The following PLCXD3 variants were observed in gnomAD, a reference collection of about 807,000 sequenced individuals.
The protein encoded by PLCXD3 is phosphatidylinositol specific phospholipase C X domain containing 3, also known as PI-PLC X domain-containing protein 3.
PLCXD3 carries 19 observed loss-of-function variants against 25.5 expected under a neutral mutation model. That is an observed-to-expected ratio of 0.75 (90% confidence interval 0.52 to 1.09). The LOEUF is 1.09. Ranked by LOEUF, PLCXD3 falls within the 50% of genes least tolerant of loss-of-function variation. PLCXD3 has a pLI of 0.00. For synonymous variants in PLCXD3, 174 were observed against 137.6 expected, an observed-to-expected ratio of 1.26 and a Z score of -1.85; for missense variants, 411 against 388.1, an observed-to-expected ratio of 1.06 and a Z score of -0.50.
At chr5:41,470,792 A>G (rs940578605) in intron 1 of PLCXD3, among the ~76,000 whole-genome samples, 2 of 152,202 alleles carry the variant, frequency 1.3e-5, no homozygotes, top group African/African-American at 4.8e-5. Context: ...GAAAAAGAAA[A>G]AAATACCTTC....
At chr5:41,500,408 A>G (rs13190177) in intron 1 of PLCXD3, among the ~76,000 whole-genome samples, 2 of 151,906 alleles carry the variant, frequency 1.3e-5, no homozygotes, top group Admixed American at 6.6e-5. Context: ...GGAATAATAG[A>G]CAATGGATAC....
chr5:41,382,377 C>A lies in PLCXD3; in HGVS notation c.261G>T (p.Gln87His). 11 of 1,613,476 alleles carry A rather than the reference C, an allele frequency of 6.8e-6. No individual in the cohort carries two copies. Among genetic ancestry groups the A allele is most frequent in the Non-Finnish European group, 9.3e-6 (11 of 1,179,696 alleles). ...LATQTMNFTG[Q>H]LGAGIRYFDL... ...CAAAATAACGAATTCCAGCTCCTAG[C>A]TGGCCAGTAAAATTCATTGTCTGAG... The change falls in exon 2 of 3, where the codon CAG (glutamine) becomes CAT (histidine). Residue 87 changes from glutamine to histidine, a missense_variant. Coordinates refer to ENST00000377801, the MANE Select transcript of PLCXD3 (RefSeq NM_001005473.3).
At chr5:41,474,998 G>T (rs996802157) in intron 1 of PLCXD3, among the ~76,000 whole-genome samples, 13 of 152,170 alleles carry the variant, frequency 8.5e-5, no homozygotes, top group African/African-American at 3.1e-4. Flanking sequence ...TAGCATTTCT[G>T]CAGCCACAGA....
intron 1 of PLCXD3, among the ~76,000 whole-genome samples, chr5:41,399,425 C>T (rs1396192641): frequency 1.3e-5 from 2 of 152,034 alleles, no homozygotes; most frequent in South Asian, 2.1e-4. Context: ...GAAGGAATCA[C>T]AATACCTGAC....
intron 1 of PLCXD3, among the ~76,000 whole-genome samples, chr5:41,448,157 G>A (rs889663685): frequency 2.0e-5 from 3 of 152,208 alleles, no homozygotes; most frequent in Non-Finnish European, 4.4e-5. Flanking sequence ...AGAAGGTGTT[G>A]TGAAATCAAT....
At chr5:41,348,134 G>T (rs1008992951) in intron 2 of PLCXD3, among the ~76,000 whole-genome samples, 3 of 152,168 alleles carry the variant, frequency 2.0e-5, no homozygotes, top group Admixed American at 6.5e-5. Flanking sequence ...CTTTGAGGTA[G>T]GTTAATAGTA....
intron 1 of PLCXD3, among the ~76,000 whole-genome samples, chr5:41,410,354 G>A (rs1363487407): frequency 6.6e-6 from 1 of 151,482 alleles, no homozygotes; most frequent in Non-Finnish European, 1.5e-5. Flanking sequence ...CATGTTGGCC[G>A]GTATGGTCTT....
At chr5:41,393,272 T>G (rs763602375) in intron 1 of PLCXD3, among the ~76,000 whole-genome samples, 1 of 152,160 alleles carries the variant, frequency 6.6e-6, no homozygotes, top group Non-Finnish European at 1.5e-5. Context: ...CATTTAGTCA[T>G]CAGTTTCCAA....
chr5:41,410,139 ATC>A (rs1746473877), intron 1 of PLCXD3, among the ~76,000 whole-genome samples: 1 of 97,088 alleles, frequency 1.0e-5, no homozygotes, highest in Non-Finnish European at 2.0e-5. Context: ...CCTTTTATTT[ATC>A]TTTTTTTTTT....
At chr5:41,393,936 A>C (rs1443248051) in intron 1 of PLCXD3, among the ~76,000 whole-genome samples, 1 of 151,802 alleles carries the variant, frequency 6.6e-6, no homozygotes, top group African/African-American at 2.4e-5. Flanking sequence ...TCAAAAAAAG[A>C]AAAAAAACAA....
In PLCXD3 at chr5:41,313,737, C is replaced by T. The variant is rs769179742; in HGVS notation, c.846G>A (p.Thr282=). 27 of 1,609,628 alleles carry T rather than the reference C, an allele frequency of 1.7e-5. No homozygotes were observed. Among genetic ancestry groups the T allele is most frequent in the African/African-American group, 4.0e-5 (3 of 74,558 alleles). ...ALPAMMQWVR[T]QKPGESGINI... Reference sequence around the variant, plus strand: ...TGATGCCACTCTCTCCTGGCTTCTGCGTGCGGACCCACTGCATCATGGCAG... The same window carrying T: ...TGATGCCACTCTCTCCTGGCTTCTGTGTGCGGACCCACTGCATCATGGCAG... Residue 282 remains threonine, a synonymous_variant, in exon 3 of 3, where the codon ACG becomes ACA. Coordinates refer to ENST00000377801, the MANE Select transcript of PLCXD3 (RefSeq NM_001005473.3).
chr5:41,414,095 A>G (rs1471853576), intron 1 of PLCXD3, among the ~76,000 whole-genome samples: 1 of 152,204 alleles, frequency 6.6e-6, no homozygotes, highest in Non-Finnish European at 1.5e-5. Context: ...TAAGACCCAC[A>G]TGCTGTACTA....
At chr5:41,342,552 C>T (rs888175932) in intron 2 of PLCXD3, among the ~76,000 whole-genome samples, 2 of 152,096 alleles carry the variant, frequency 1.3e-5, no homozygotes, top group South Asian at 4.1e-4. Flanking sequence ...CTTGGACATA[C>T]AAAATTGTGC....
chr5:41,493,919 C>G (rs1225510869), intron 1 of PLCXD3, among the ~76,000 whole-genome samples: 1 of 152,212 alleles, frequency 6.6e-6, no homozygotes, highest in East Asian at 1.9e-4. Flanking sequence ...CCTGCTTCGG[C>G]TCGCGCACAG....
chr5:41,317,311 G>A (rs761834979), intron 2 of PLCXD3, among the ~76,000 whole-genome samples: 1 of 152,186 alleles, frequency 6.6e-6, no homozygotes, highest in Non-Finnish European at 1.5e-5. Context: ...CTGGTCTTGG[G>A]GTGCCCCCTA....
chr5:41,368,016 T>A (rs750655828), intron 2 of PLCXD3, among the ~76,000 whole-genome samples: 47 of 151,872 alleles, frequency 3.1e-4, no homozygotes, highest in Non-Finnish European at 5.2e-4. Flanking sequence ...TTTTTGGGAA[T>A]GGGAATAACT....
At chr5:41,452,309 A>C (rs1747651670) in intron 1 of PLCXD3, among the ~76,000 whole-genome samples, 1 of 152,096 alleles carries the variant, frequency 6.6e-6, no homozygotes, top group African/African-American at 2.4e-5. Context: ...CTGATTCAAG[A>C]AAAATCTGTA....
intron 2 of PLCXD3, among the ~76,000 whole-genome samples, chr5:41,314,655 G>C (rs912278319): frequency 1.3e-5 from 2 of 152,280 alleles, no homozygotes; most frequent in African/African-American, 4.8e-5. Flanking sequence ...AAGCATCCCA[G>C]CTATTGCCAT....
chr5:41,465,535 C>A (rs1349989476), intron 1 of PLCXD3, among the ~76,000 whole-genome samples: 1 of 151,722 alleles, frequency 6.6e-6, no homozygotes. Context: ...TCAATGCATT[C>A]TCTTGAATCA....
Sources: gnomAD v4.1 joint callset for allele counts (sites outside exome capture counted in the v4.1 genomes callset) on GRCh38, gnomAD v4.1.1 for gene constraint, MANE v1.5 for transcripts, NCBI Gene and HGNC (gene_info 2026-07-23, HGNC 2026-07-21) for gene names.